The following DNAAF11 variants were observed in gnomAD, a reference collection of about 807,000 sequenced individuals.
The protein encoded by DNAAF11 is leucine rich repeat containing 6.
Under a neutral mutation model 60.8 loss-of-function variants are expected in DNAAF11, and 45 were observed. The ratio of observed to expected loss-of-function variants is 0.74; its 90% CI spans 0.58 to 0.95. DNAAF11 has a LOEUF of 0.95. DNAAF11 is among the 40% of genes least tolerant of loss of function. The pLI, the probability that DNAAF11 is intolerant of heterozygous loss-of-function variation, is 0.00. For missense variants in DNAAF11, 546 were observed against 546.2 expected (o/e 1.00, Z 0.00); for synonymous variants, 191 against 183.5 (o/e 1.04, Z -0.33).
At chr8:132,697,507 G>A in the DNAAF11 span, among the ~76,000 whole-genome samples, 1 of 151,876 alleles carries the variant, frequency 6.6e-6, no homozygotes, top group Non-Finnish European at 1.5e-5. Context: ...AATCCCCGCT[G>A]CTTGGGAGGC....
chr8:132,617,557 G>A (rs935010118), intron 7 of DNAAF11, among the ~76,000 whole-genome samples: 4 of 152,126 alleles, frequency 2.6e-5, no homozygotes, highest in African/African-American at 9.7e-5. Context: ...AGACAATGGG[G>A]TTTTCTAGAT....
At chr8:132,643,829 G>T (rs1225328453) in intron 3 of DNAAF11, 1 of 424,830 alleles carries the variant, frequency 2.4e-6, no homozygotes, top group South Asian at 1.7e-5. Context: ...TAGGCAGTAG[G>T]ACTTAGAGGT....
chr8:132,591,611 T>G (rs1229875016), intron 10 of DNAAF11, among the ~76,000 whole-genome samples: 4 of 152,096 alleles, frequency 2.6e-5, no homozygotes, highest in Non-Finnish European at 5.9e-5. Flanking sequence ...GTGGTTTATT[T>G]TTCTGGCAAT....
chr8:132,635,947 A>C (rs867295728), intron 4 of DNAAF11, among the ~76,000 whole-genome samples: 1 of 152,068 alleles, frequency 6.6e-6, no homozygotes, highest in Non-Finnish European at 1.5e-5. Context: ...GCTAGGAGGG[A>C]GGGCATGAAG....
At chr8:132,688,881 T>C in the DNAAF11 span, among the ~76,000 whole-genome samples, 1 of 152,332 alleles carries the variant, frequency 6.6e-6, no homozygotes, top group South Asian at 2.1e-4. Flanking sequence ...CAGAATCACT[T>C]ACGTTAAAAA....
intron 6 of DNAAF11, 99 bp downstream of exon 6, chr8:132,625,173 T>C: frequency 2.3e-6 from 2 of 888,742 alleles, no homozygotes; most frequent in Non-Finnish European, 3.3e-6. Flanking sequence ...ATACAAGTGC[T>C]AAAGGTTTAA....
chr8:132,593,747 C>A (rs1009528364), intron 10 of DNAAF11, among the ~76,000 whole-genome samples: 1 of 151,922 alleles, frequency 6.6e-6, no homozygotes, highest in Non-Finnish European at 1.5e-5. Flanking sequence ...TAAAAACAGA[C>A]CCTTCTTTAT....
the DNAAF11 span, among the ~76,000 whole-genome samples, chr8:132,695,024 C>T: frequency 6.6e-6 from 1 of 152,164 alleles, no homozygotes; most frequent in African/African-American, 2.4e-5. Context: ...ACTTCAAATA[C>T]TGCTAGGTCA....
Position 132,572,328 on chromosome 8 carries a change from G to A in DNAAF11, c.1379C>T (p.Pro460Leu), listed in dbSNP as rs1814280372. The part of the protein sequence containing the change: ...SEEDPTFEDN[P>L]EVPPLI Reference sequence around the variant, plus strand: ...GTTTCAAATCAGCGGAGGCACTTCAGGGTTGTCTTCAAAGGTTGGGTCTTC... The same window carrying A: ...GTTTCAAATCAGCGGAGGCACTTCAAGGTTGTCTTCAAAGGTTGGGTCTTC... Residue 460 changes from proline (P) to leucine (L), a missense_variant, in exon 12 of 12, where the codon CCT (proline) becomes CTT (leucine). Coordinates refer to ENST00000620350, the MANE Select transcript of DNAAF11 (RefSeq NM_012472.6). 1.2e-6 allele frequency: 2 copies of A among 1,613,478 alleles called. No homozygotes were observed. Among genetic ancestry groups the A allele is most frequent in the East Asian group, 2.2e-5 (1 of 44,868 alleles).
the DNAAF11 span, among the ~76,000 whole-genome samples, chr8:132,683,362 T>C: frequency 6.6e-6 from 1 of 152,194 alleles, no homozygotes; most frequent in Non-Finnish European, 1.5e-5. Context: ...TGGAAAATCA[T>C]TGAGCTAAAG....
the DNAAF11 span, among the ~76,000 whole-genome samples, chr8:132,694,499 G>A: frequency 6.4e-4 from 98 of 152,260 alleles, no homozygotes; most frequent in African/African-American, 2.2e-3. Context: ...TCTAGCCTCC[G>A]TAACTGTGAG....
At chr8:132,693,752 T>C in the DNAAF11 span, among the ~76,000 whole-genome samples, 53 of 152,088 alleles carry the variant, frequency 3.5e-4, no homozygotes, top group Non-Finnish European at 6.3e-4. Context: ...ACAGTATGGA[T>C]GTCTTGGGAG....
At chr8:132,625,218 A>G (rs1267649538) in intron 6 of DNAAF11, 54 bp downstream of exon 6, 2 of 1,359,282 alleles carry the variant, frequency 1.5e-6, no homozygotes, top group African/African-American at 2.9e-5. Flanking sequence ...GCAATCATAA[A>G]AATATAGTTG....
chr8:132,573,169 G>A (rs536122490), intron 11 of DNAAF11, among the ~76,000 whole-genome samples: 3 of 150,650 alleles, frequency 2.0e-5, no homozygotes, highest in African/African-American at 7.5e-5. Context: ...TCTGGGCTGC[G>A]TTCCCCGCAA....
chr8:132,647,617 A>C (rs1822534145), intron 3 of DNAAF11, among the ~76,000 whole-genome samples: 1 of 152,224 alleles, frequency 6.6e-6, no homozygotes, highest in South Asian at 2.1e-4. Context: ...GACCACTAGC[A>C]ACACTAATAC....
intron 7 of DNAAF11, among the ~76,000 whole-genome samples, chr8:132,616,984 C>T (rs1819226894): frequency 6.6e-6 from 1 of 151,990 alleles, no homozygotes; most frequent in Non-Finnish European, 1.5e-5. Flanking sequence ...CAACAGTGGG[C>T]ATTTCACAGG....
At chr8:132,652,206 C>T (rs962436415) in intron 3 of DNAAF11, among the ~76,000 whole-genome samples, 10 of 152,280 alleles carry the variant, frequency 6.6e-5, no homozygotes, top group Middle Eastern at 3.4e-3. Context: ...CTAGTCAGCA[C>T]GCCCCACCCA....
upstream of DNAAF11, among the ~76,000 whole-genome samples, chr8:132,679,539 G>A (rs1825834672): frequency 6.6e-6 from 1 of 152,140 alleles, no homozygotes; most frequent in African/African-American, 2.4e-5. Context: ...CTGGTTCCAG[G>A]GGCAAGGTCT....
At chr8:132,676,508 GCTT>G (rs1250093633), upstream of DNAAF11, among the ~76,000 whole-genome samples, 1 of 152,202 alleles carries the variant, frequency 6.6e-6, no homozygotes, top group Non-Finnish European at 1.5e-5. Flanking sequence ...TGGAGTGCGT[GCTT>G]CTTATCTTGA....
Sources: allele counts gnomAD v4.1 joint callset (sites outside exome capture counted in the v4.1 genomes callset), GRCh38; gene constraint gnomAD v4.1.1; transcripts MANE v1.5; gene names NCBI Gene and HGNC (gene_info 2026-07-23, HGNC 2026-07-21).